The following SIRT5 variants were observed in gnomAD, a reference collection of about 807,000 sequenced individuals.
The protein encoded by SIRT5 is sirtuin 5.
In SIRT5, 26 loss-of-function variants were observed where a neutral mutation model predicts 40.0. The ratio of observed to expected loss-of-function variants is 0.65; its 90% CI spans 0.48 to 0.90. SIRT5 has a LOEUF of 0.90. SIRT5 is among the 40% of genes least tolerant of loss of function. The probability of loss-of-function intolerance (pLI) is 0.00; values close to 1 mark genes in which losing one functional copy is unlikely to be tolerated. For missense variants in SIRT5, 401 were observed against 402.4 expected (o/e 1.00, Z 0.03); for synonymous variants, 146 against 149.1 (o/e 0.98, Z 0.15).
At chr6:13,604,593 C>A in intron 9 of SIRT5, 1 of 1,543,378 alleles carries the variant, frequency 6.5e-7, no homozygotes, top group Admixed American at 2.1e-5. Flanking sequence ...AGTATTTCCA[C>A]AACCCAAGTT....
intron 3 of SIRT5, among the ~76,000 whole-genome samples, chr6:13,585,745 T>G (rs1449386886): frequency 2.0e-5 from 3 of 152,236 alleles, no homozygotes; most frequent in Admixed American, 2.0e-4. Context: ...TATAATCCTT[T>G]GGGTATATAC....
chr6:13,576,033 C>T (rs906394088), intron 1 of SIRT5, among the ~76,000 whole-genome samples: 5 of 152,202 alleles, frequency 3.3e-5, no homozygotes, highest in African/African-American at 9.7e-5. Flanking sequence ...ATATGTGCCA[C>T]ATTTTCTTTA....
chr6:13,592,937 T>C (rs1408627305), intron 5 of SIRT5, among the ~76,000 whole-genome samples: 1 of 134,286 alleles, frequency 7.4e-6, no homozygotes, highest in Non-Finnish European at 1.6e-5. Flanking sequence ...TTTTTAGCAA[T>C]GGGGGTTTCA....
At chr6:13,579,411 AT>A (rs1330958783) in intron 1 of SIRT5, 39 bp from the exon 2 acceptor site, 1 of 152,236 alleles carries the variant, frequency 6.6e-6, no homozygotes, top group Non-Finnish European at 1.5e-5. Context: ...ATAAAAAAAA[AT>A]GACAGTTTAT....
chr6:13,594,992 A>G (rs986186198), intron 5 of SIRT5, among the ~76,000 whole-genome samples: 1 of 152,222 alleles, frequency 6.6e-6, no homozygotes, highest in African/African-American at 2.4e-5. Flanking sequence ...AGTCATGTCA[A>G]TAAATCACGC....
chr6:13,587,155 C>T (rs1488167216), intron 3 of SIRT5, among the ~76,000 whole-genome samples: 1 of 147,544 alleles, frequency 6.8e-6, no homozygotes, highest in African/African-American at 2.7e-5. Flanking sequence ...TCTCCATATC[C>T]AGGGTGGGGC....
intron 3 of SIRT5, among the ~76,000 whole-genome samples, chr6:13,587,908 G>C (rs1760290880): frequency 6.6e-6 from 1 of 152,194 alleles, no homozygotes. Context: ...CCTCAACTCA[G>C]CACTCACACA....
intron 5 of SIRT5, 100 bp downstream of exon 5, chr6:13,591,994 C>CGG: frequency 9.0e-7 from 1 of 1,111,730 alleles, no homozygotes; most frequent in Non-Finnish European, 1.3e-6. Flanking sequence ...CCCTGCTGGA[C>CGG]ATCCGTCCTG....
At chr6:13,589,876 G>T (rs1481313212) in intron 4 of SIRT5, among the ~76,000 whole-genome samples, 1 of 152,222 alleles carries the variant, frequency 6.6e-6, no homozygotes, top group Non-Finnish European at 1.5e-5. Flanking sequence ...ACAAAGCAAA[G>T]AAGTCAGTAG....
chr6:13,600,065 T>G (rs980494890), intron 8 of SIRT5, among the ~76,000 whole-genome samples: 2 of 152,244 alleles, frequency 1.3e-5, no homozygotes, highest in Admixed American at 1.3e-4. Context: ...TTTGATAGTT[T>G]AATCAATGAT....
At chr6:13,587,225 CA>C (rs1760196363) in intron 3 of SIRT5, among the ~76,000 whole-genome samples, 2 of 152,306 alleles carry the variant, frequency 1.3e-5, no homozygotes, top group Admixed American at 6.5e-5. Flanking sequence ...CTCGCTTCTC[CA>C]GGGGGAGGGC....
At chr6:13,597,910 T>G (rs1761813999) in intron 7 of SIRT5, among the ~76,000 whole-genome samples, 1 of 152,202 alleles carries the variant, frequency 6.6e-6, no homozygotes, top group African/African-American at 2.4e-5. Context: ...GAACATTAAT[T>G]TAATGTTACG....
intron 4 of SIRT5, chr6:13,589,060 A>G (rs988540796): frequency 1.3e-5 from 2 of 152,406 alleles, no homozygotes; most frequent in Non-Finnish European, 1.5e-5. Context: ...GTCCCTCCAG[A>G]ACATTCCTTC....
chr6:13,611,120 C>T (rs1420124956), intron 9 of SIRT5, among the ~76,000 whole-genome samples: 4 of 149,710 alleles, frequency 2.7e-5, no homozygotes, highest in African/African-American at 9.8e-5. Flanking sequence ...AGCTGAGATC[C>T]TAGTGGTCAG....
intron 7 of SIRT5, 105 bp from the exon 8 acceptor site, chr6:13,598,927 A>AG: frequency 7.3e-7 from 1 of 1,371,440 alleles, no homozygotes; most frequent in Non-Finnish European, 1.0e-6. Context: ...GAGGCATCAG[A>AG]GGTGACCCAT....
intron 5 of SIRT5, among the ~76,000 whole-genome samples, chr6:13,593,192 T>A (rs1053051241): frequency 6.6e-6 from 1 of 152,170 alleles, no homozygotes; most frequent in African/African-American, 2.4e-5. Flanking sequence ...GATTACAGGC[T>A]TGAGCCACTG....
At chr6:13,586,304 A>T (rs1450386774) in intron 3 of SIRT5, among the ~76,000 whole-genome samples, 1 of 152,190 alleles carries the variant, frequency 6.6e-6, no homozygotes, top group Non-Finnish European at 1.5e-5. Flanking sequence ...TGTTTTAGTC[A>T]TGAAGTCCTT....
At position 13,584,055 on chromosome 6, in the gene SIRT5, GT is replaced by G; in HGVS notation, c.-35-16del. The G allele has an allele frequency of 8.4e-7, 1 of 1,185,660 alleles. No homozygotes were observed. The highest frequency in any genetic ancestry group is 1.3e-6 in the Non-Finnish European group (1 of 798,458). The allele number at this position is 1,185,660 out of a possible 1,614,324, so 73.4% of individuals were successfully genotyped here. On this transcript the variant is annotated intron_variant, in intron 2 of 9. Transcript: ENST00000606117. ...TTTGCTGATTGTTTCTACACTATTT[GT>G]TTTTGTGATTTTTCTAAAGCCCGCC...
At chr6:13,598,386 G>C (rs1761885053) in intron 7 of SIRT5, among the ~76,000 whole-genome samples, 1 of 152,108 alleles carries the variant, frequency 6.6e-6, no homozygotes, top group South Asian at 2.1e-4. Flanking sequence ...TGAAATTAGG[G>C]GATGCTTGGG....
Sources: allele counts gnomAD v4.1 joint callset (sites outside exome capture counted in the v4.1 genomes callset), GRCh38; gene constraint gnomAD v4.1.1; transcripts MANE v1.5; gene names NCBI Gene and HGNC (gene_info 2026-07-23, HGNC 2026-07-21).